The following SUMO3 variants were observed in gnomAD, a reference collection of about 807,000 sequenced individuals.
SUMO3 encodes small ubiquitin like modifier 3.
SUMO3 carries 2 observed loss-of-function variants against 11.1 expected under a neutral mutation model. That is an observed-to-expected ratio of 0.18 (90% CI 0.07 to 0.57). The LOEUF is 0.57. SUMO3 is among the 20% of genes least tolerant of loss of function. The pLI, the probability that SUMO3 is intolerant of heterozygous loss-of-function variation, is 0.92. For synonymous variants in SUMO3, 56 were observed against 53.5 expected, an observed-to-expected ratio of 1.05 and a Z score of -0.20; for missense variants, 70 against 132.8, an observed-to-expected ratio of 0.53 and a Z score of 2.32.
In SUMO3 at chr21:44,807,070, A is replaced by C; in HGVS notation, c.223-30T>G. The C allele has an allele frequency of 6.2e-7, 1 of 1,610,038 alleles. No homozygotes were observed. Among genetic ancestry groups the C allele is most frequent in the East Asian group, 2.2e-5 (1 of 44,760 alleles). On this transcript the variant is annotated intron_variant, in intron 3 of 3. Transcript: ENST00000332859. This position sits in a 1 kb window ranked among gnomAD's most constrained non-coding sequence, Gnocchi z 4.3. ...CATGGTTGTCACAACAGGCACAGCG[A>C]GAGAGAGGGGAGCCTGTTAGTTTTC...
chr21:44,813,944 G>C (rs2083228450), intron 2 of SUMO3, 32 bp downstream of exon 2: 1 of 1,605,864 alleles, frequency 6.2e-7, no homozygotes. Flanking sequence ...TGCGCACACG[G>C]GGAGGCTCTG....
intron 2 of SUMO3, among the ~76,000 whole-genome samples, chr21:44,809,786 G>T (rs753166634): frequency 4.6e-5 from 7 of 152,180 alleles, no homozygotes; most frequent in Non-Finnish European, 8.8e-5. Flanking sequence ...CCTTCCAGTG[G>T]CTAGCTTTTC....
In SUMO3 at chr21:44,815,777, C is replaced by A. The variant is rs527525220; in HGVS notation, c.22-1673G>T. Reference sequence around the variant, plus strand: ...AGAGGCTGGGGCAGGGCAGGGCCGGCCACAGTGCCTCTGCTCCAAACAGAA... The same window carrying A: ...AGAGGCTGGGGCAGGGCAGGGCCGGACACAGTGCCTCTGCTCCAAACAGAA... On this transcript the variant is annotated intron_variant, in intron 1 of 3. Coordinates refer to ENST00000332859, the MANE Select transcript of SUMO3 (RefSeq NM_006936.3). 5.1e-4 allele frequency among the ~76,000 whole-genome samples: 75 copies of A among 147,172 alleles called. 3 individuals are homozygous for A. The South Asian group carries it at 0.015, about 29-fold the overall frequency.
rs1000674085 is a variant in SUMO3 at position 44,806,910 on chromosome 21, A to G, written c.*41T>C. The G allele has an allele frequency of 6.2e-7, 1 of 1,612,904 alleles. No homozygotes were observed. Among genetic ancestry groups the G allele is most frequent in the African/African-American group, 1.3e-5 (1 of 74,876 alleles). Reference sequence around the variant, plus strand: ...CATGGTCACGTGCTCACCATTCAACAGCAATGCGAGGATGGACGGCCCGGG... The same window carrying G: ...CATGGTCACGTGCTCACCATTCAACGGCAATGCGAGGATGGACGGCCCGGG... On this transcript the variant is annotated 3_prime_UTR_variant, in exon 4 of 4. Coordinates refer to ENST00000332859, the MANE Select transcript of SUMO3 (RefSeq NM_006936.3).
At chr21:44,808,516 A>G in intron 3 of SUMO3, 1 of 1,426,460 alleles carries the variant, frequency 7.0e-7, no homozygotes, top group Non-Finnish European at 9.2e-7. Flanking sequence ...CTCCGTCTCA[A>G]AAAAAAAAGT....
intron 3 of SUMO3, among the ~76,000 whole-genome samples, chr21:44,808,787 T>C (rs1313732107): frequency 5.9e-5 from 9 of 152,198 alleles, no homozygotes; most frequent in Admixed American, 5.9e-4. Context: ...GAGTGGTCCT[T>C]GCACCCCCGC....
intron 1 of SUMO3, among the ~76,000 whole-genome samples, chr21:44,815,280 T>C (rs1238759528): frequency 1.3e-5 from 2 of 152,110 alleles, no homozygotes; most frequent in Non-Finnish European, 2.9e-5. Context: ...TTCCCTGGGG[T>C]ATGCACCCTG....
chr21:44,813,034 AG>A (rs1213862696), intron 2 of SUMO3, among the ~76,000 whole-genome samples: 3 of 152,364 alleles, frequency 2.0e-5, no homozygotes, highest in East Asian at 1.9e-4. Flanking sequence ...ACACAAAGAA[AG>A]GAAGTCAGGG....
chr21:44,810,513 GAGA>G lies in SUMO3; in HGVS notation c.151-1398_151-1396del, dbSNP rs1165521261. On this transcript the variant is annotated intron_variant, in intron 2 of 3. Coordinates refer to ENST00000332859, the MANE Select transcript of SUMO3 (RefSeq NM_006936.3). The surrounding 1 kb of genome is among the most constrained non-coding windows in gnomAD (Gnocchi z 4.1). ...GCAGCACACATGAGATGTGCTTTCT[GAGA>G]AGGTGGGTGCGGAGCTCCAGGCGCA... Among the ~76,000 whole-genome samples, 3 of 152,236 alleles carry G rather than the reference GAGA, an allele frequency of 2.0e-5. No individual in the cohort carries two copies. Among genetic ancestry groups the G allele is most frequent in the Non-Finnish European group, 4.4e-5 (3 of 68,044 alleles).
At chr21:44,813,117 G>C (rs1267728853) in intron 2 of SUMO3, among the ~76,000 whole-genome samples, 1 of 152,260 alleles carries the variant, frequency 6.6e-6, no homozygotes, top group Non-Finnish European at 1.5e-5. Flanking sequence ...CAAAGTGGGA[G>C]GGAAAGAGGA....
At chr21:44,815,451 C>T (rs1233347134) in intron 1 of SUMO3, among the ~76,000 whole-genome samples, 1 of 152,220 alleles carries the variant, frequency 6.6e-6, no homozygotes, top group African/African-American at 2.4e-5. Flanking sequence ...TGCCCACTCC[C>T]GGGATGCCAG....
In SUMO3 at chr21:44,811,025, C is replaced by CCCACATAT. The variant is rs1569308261; in HGVS notation, c.151-1908_151-1907insATATGTGG. Among the ~76,000 whole-genome samples, 50 of 121,296 alleles carry CCCACATAT rather than the reference C, an allele frequency of 4.1e-4. No homozygotes were observed. The highest frequency in any genetic ancestry group is 1.3e-3 in the African/African-American group (50 of 37,516). 79.6% of individuals were successfully genotyped at this position (121,296 alleles called of 152,430 possible). A position where few individuals can be genotyped will look rare whatever the true frequency, so the allele number is the denominator to read the frequency against. On this transcript the variant is annotated intron_variant, in intron 2 of 3. Transcript: ENST00000332859. This position sits in a 1 kb window ranked among gnomAD's most constrained non-coding sequence, Gnocchi z 5.0. Reference sequence around the variant, plus strand: ...ATGCACACACCCACATATGCACACACGCACACACCCACATACACACACGCA... The same window carrying CCCACATAT: ...ATGCACACACCCACATATGCACACACCCACATATGCACACACCCACATACACACACGCA...
intron 2 of SUMO3, among the ~76,000 whole-genome samples, chr21:44,813,185 TG>T (rs1367204802): frequency 3.9e-5 from 6 of 152,176 alleles, no homozygotes; most frequent in Non-Finnish European, 8.8e-5. Flanking sequence ...AACGAGTTGC[TG>T]TATTTTCAAA....
chr21:44,814,692 G>A (rs2083233686), intron 1 of SUMO3, among the ~76,000 whole-genome samples: 1 of 152,204 alleles, frequency 6.6e-6, no homozygotes, highest in Non-Finnish European at 1.5e-5. Flanking sequence ...TCCAACTGAG[G>A]ACGGCCACTC....
intron 1 of SUMO3, among the ~76,000 whole-genome samples, chr21:44,817,182 T>C (rs549930652): frequency 0.15 from 2,059 of 13,454 alleles, 34 homozygotes; most frequent in African/African-American, 0.28. Flanking sequence ...TGGGGAGGCG[T>C]GGGCGTACAC....
At chr21:44,815,795 A>C (rs1175601636) in intron 1 of SUMO3, among the ~76,000 whole-genome samples, 3 of 83,702 alleles carry the variant, frequency 3.6e-5, no homozygotes, top group African/African-American at 2.0e-4. Flanking sequence ...CCTCTGCTCC[A>C]AACAGAATGA....
chr21:44,808,238 C>G, intron 3 of SUMO3: 1 of 252,964 alleles, frequency 4.0e-6, no homozygotes, highest in Non-Finnish European at 7.5e-6. Flanking sequence ...TTCGGCCGGG[C>G]GCGTTGGCTC....
chr21:44,812,680 C>A (rs988977258), intron 2 of SUMO3, among the ~76,000 whole-genome samples: 2 of 152,176 alleles, frequency 1.3e-5, no homozygotes, highest in African/African-American at 4.8e-5. Context: ...CCCTGGACCA[C>A]GGCTGAGCAG....
chr21:44,806,777 A>G lies in SUMO3; in HGVS notation c.*174T>C. On this transcript the variant is annotated 3_prime_UTR_variant, in exon 4 of 4. Coordinates refer to ENST00000332859, the MANE Select transcript of SUMO3 (RefSeq NM_006936.3). ...TTCTGATTGGCCCAATTTAAGTTAC[A>G]GATTCATCCCTGCAGATATAGTTTT... The G allele has an allele frequency of 7.2e-7, 1 of 1,391,538 alleles. No individual in the cohort carries two copies. The highest frequency in any genetic ancestry group is 1.6e-5 in the South Asian group (1 of 62,444). 86.2% of individuals were successfully genotyped at this position (1,391,538 alleles called of 1,614,324 possible). A position where few individuals can be genotyped will look rare whatever the true frequency, so the allele number is the denominator to read the frequency against.
Sources: allele counts gnomAD v4.1 joint callset (sites outside exome capture counted in the v4.1 genomes callset), GRCh38; gene constraint gnomAD v4.1.1; non-coding constraint Gnocchi (gnomAD v3.1); transcripts MANE v1.5; gene names NCBI Gene and HGNC (gene_info 2026-07-23, HGNC 2026-07-21).